Variants in PCDHGA9 observed in about 807,000 individuals in gnomAD.
The protein encoded by PCDHGA9 is protocadherin gamma subfamily A, 9.
PCDHGA9 carries 37 observed loss-of-function variants against 62.5 expected under a neutral mutation model. The observed-to-expected ratio is 0.59, with a 90% CI of 0.46 to 0.78. PCDHGA9 has a LOEUF of 0.78. Among genes scored for constraint, PCDHGA9 ranks in the 30% least tolerant of loss-of-function variants. The pLI is 0.00. For synonymous variants in PCDHGA9, 459 were observed against 484.6 expected, an observed-to-expected ratio of 0.95 and a Z score of 0.69; for missense variants, 1,138 against 1,166.2, an observed-to-expected ratio of 0.98 and a Z score of 0.35.
chr5:141,466,203 C>G (rs1291051063), intron 1 of PCDHGA9, among the ~76,000 whole-genome samples: 1 of 151,914 alleles, frequency 6.6e-6, no homozygotes, highest in Non-Finnish European at 1.5e-5. Context: ...CACAGCCTTG[C>G]TCTGTTACCC....
chr5:141,410,175 C>T (rs202065305), intron 1 of PCDHGA9: 5 of 1,613,752 alleles, frequency 3.1e-6, no homozygotes, highest in Non-Finnish European at 8.5e-7. Flanking sequence ...TCTGCCACCG[C>T]CACGCTTCAT....
At chr5:141,484,437 T>C (rs2099596528) in intron 1 of PCDHGA9, among the ~76,000 whole-genome samples, 1 of 152,232 alleles carries the variant, frequency 6.6e-6, no homozygotes, top group African/African-American at 2.4e-5. Context: ...ATGTACTGCA[T>C]AAATTTAATT....
Position 141,505,473 on chromosome 5 carries a change from C to T in PCDHGA9, c.2564C>T (p.Ser855Phe). The change falls in exon 3 of 4, where the codon TCC (serine) becomes TTC (phenylalanine). Residue 855 changes from serine to phenylalanine, a missense_variant. Transcript: ENST00000573521. Reference sequence around the variant, plus strand: ...ATGCTGCAAGCCATGATCTTGGCGTCCGCCAGTGGTAAGTGGTGTCAGTGT... The same window carrying T: ...ATGCTGCAAGCCATGATCTTGGCGTTCGCCAGTGGTAAGTGGTGTCAGTGT... ...TEMLQAMILA[S>F]ASEAADGSST... is the part of the protein sequence containing the mutation. The T allele has an allele frequency of 6.2e-7, 1 of 1,614,188 alleles. No homozygotes were observed. Among genetic ancestry groups the T allele is most frequent in the Non-Finnish European group, 8.5e-7 (1 of 1,180,014 alleles).
intron 2 of PCDHGA9, 37 bp downstream of exon 2, chr5:141,494,902 C>T (rs2099757367): frequency 1.9e-6 from 3 of 1,614,024 alleles, no homozygotes; most frequent in Non-Finnish European, 2.5e-6. Flanking sequence ...CTCTTCTCTG[C>T]GGCATTTTCT....
At position 141,477,262 on chromosome 5, in the gene PCDHGA9, C is replaced by G; in HGVS notation, c.2425-17545C>G. On this transcript the variant is annotated intron_variant, in intron 1 of 3. Coordinates refer to ENST00000573521, the MANE Select transcript of PCDHGA9 (RefSeq NM_018921.3). The surrounding 1 kb of genome is among the most constrained non-coding windows in gnomAD (Gnocchi z 4.9). ...TCAGTGTGACTGACCTGGATGCTGG[C>G]GAGAACGGGCTGGTGACCTGCGAAG... The G allele has an allele frequency of 6.2e-7, 1 of 1,614,138 alleles. No homozygotes were observed.
intron 1 of PCDHGA9, chr5:141,415,772 T>TTTA (rs1561760673): frequency 5.3e-6 from 7 of 1,332,980 alleles, no homozygotes; most frequent in Non-Finnish European, 6.7e-6. Flanking sequence ...TTTTTTTTTT[T>TTTA]ACTTTCTGGT....
rs562156266 is a variant in PCDHGA9, at chr5:141,467,826, T to C, written c.2425-26981T>C. On this transcript the variant is annotated intron_variant, in intron 1 of 3. Transcript: ENST00000573521. ...GGCACATGCCACCACACCAGGCTGA[T>C]TTTTATATTTTTTTGTAGAATGAGA... Among the ~76,000 whole-genome samples, 96 of 151,894 alleles carry C rather than the reference T, an allele frequency of 6.3e-4. 3 individuals carry two copies. Among genetic ancestry groups the C allele is most frequent in the Admixed American group, 6.2e-3 (95 of 15,236 alleles).
At chr5:141,429,045 G>C (rs919761577) in intron 1 of PCDHGA9, 15 of 151,954 alleles carry the variant, frequency 9.9e-5, no homozygotes, top group African/African-American at 2.9e-4. Context: ...TAGTACAGAC[G>C]GGGTTTCACC....
intron 1 of PCDHGA9, chr5:141,418,046 G>A (rs757311166): frequency 1.9e-6 from 3 of 1,613,888 alleles, no homozygotes; most frequent in Admixed American, 3.3e-5. Flanking sequence ...GGATGTGTCG[G>A]CTCGCGAGCT....
chr5:141,478,604 T>C (rs1425759709), intron 1 of PCDHGA9: 2 of 1,562,580 alleles, frequency 1.3e-6, no homozygotes, highest in South Asian at 2.3e-5. Context: ...CTACATCATA[T>C]TGAGGAAGGA....
Position 141,485,625 on chromosome 5 carries a change from G to T in PCDHGA9, c.2425-9182G>T. 6.2e-7 allele frequency: 1 copy of T among 1,611,968 alleles called. No individual in the cohort carries two copies. On this transcript the variant is annotated intron_variant, in intron 1 of 3. Transcript: ENST00000573521. This position sits in a 1 kb window ranked among gnomAD's most constrained non-coding sequence, Gnocchi z 5.7. ...GGGGAGGCAGCTCCTCCAGGACAGC[G>T]TTTCCCGTTGGAAAAGGCTCAGGAT...
Position 141,511,250 on chromosome 5 carries a change from CAG to C in PCDHGA9, c.*80_*81del. 2 of 1,571,674 alleles carry C rather than the reference CAG, an allele frequency of 1.3e-6. No homozygotes were observed. Among genetic ancestry groups the C allele is most frequent in the Non-Finnish European group, 1.7e-6 (2 of 1,158,794 alleles). On this transcript the variant is annotated 3_prime_UTR_variant, in exon 4 of 4. Transcript: ENST00000573521. ...CTTCTCCTTACCTGCACCCAGGCCT[CAG>C]AGTTTCAGGGCTAACCCCCAGAATA...
intron 1 of PCDHGA9, chr5:141,427,312 C>T (rs1438759401): frequency 4.4e-6 from 2 of 456,954 alleles, no homozygotes; most frequent in East Asian, 6.9e-5. Context: ...GACAATGCCC[C>T]AGACGTGGTT....
At chr5:141,463,438 C>CTTTTTT (rs71576115) in intron 1 of PCDHGA9, among the ~76,000 whole-genome samples, 4 of 103,256 alleles carry the variant, frequency 3.9e-5, no homozygotes, top group African/African-American at 1.3e-4. Context: ...TTTCCTTCTC[C>CTTTTTT]TTTTTTTTTT....
intron 1 of PCDHGA9, among the ~76,000 whole-genome samples, chr5:141,469,340 G>A (rs1412181099): frequency 6.6e-6 from 1 of 152,138 alleles, no homozygotes; most frequent in Non-Finnish European, 1.5e-5. Context: ...ACTTTGGGAG[G>A]CTGAGGTGGA....
At chr5:141,416,998 CAAAT>C (rs2096073182) in intron 1 of PCDHGA9, 1 of 150,816 alleles carries the variant, frequency 6.6e-6, no homozygotes, top group South Asian at 2.1e-4. Flanking sequence ...GCATTCATCT[CAAAT>C]AATTCTATTA....
intron 1 of PCDHGA9, among the ~76,000 whole-genome samples, chr5:141,438,620 A>G (rs2098023964): frequency 1.0e-4 from 4 of 39,044 alleles, no homozygotes; most frequent in African/African-American, 8.0e-4. Flanking sequence ...ATATATATAT[A>G]TATATATATA....
intron 1 of PCDHGA9, among the ~76,000 whole-genome samples, chr5:141,462,269 T>C (rs2099036247): frequency 6.6e-6 from 1 of 152,230 alleles, no homozygotes; most frequent in Admixed American, 6.5e-5. Context: ...CTAAAGTGTA[T>C]TGTTTAGTCA....
At chr5:141,450,147 C>T (rs1322871298) in intron 1 of PCDHGA9, among the ~76,000 whole-genome samples, 2 of 151,774 alleles carry the variant, frequency 1.3e-5, no homozygotes, top group African/African-American at 4.8e-5. Context: ...GCTGGGACTA[C>T]AGGCATGTGC....
Sources: allele counts gnomAD v4.1 joint callset (sites outside exome capture counted in the v4.1 genomes callset), GRCh38; gene constraint gnomAD v4.1.1; non-coding constraint Gnocchi (gnomAD v3.1); transcripts MANE v1.5; gene names NCBI Gene and HGNC (gene_info 2026-07-23, HGNC 2026-07-21).